AKAP13: variants seen among roughly 807,000 people sequenced by gnomAD.
AKAP13 encodes the protein A-kinase anchor protein 13.
In AKAP13, 80 loss-of-function variants were observed where a neutral mutation model predicts 264.5. That is an observed-to-expected ratio of 0.30 (90% confidence interval 0.25 to 0.36). AKAP13 has a LOEUF of 0.36. AKAP13 is among the 10% of genes least tolerant of loss of function. The pLI, the probability that AKAP13 is intolerant of heterozygous loss-of-function variation, is 1.00. For synonymous variants in AKAP13, 1,380 were observed against 1,250.2 expected (o/e 1.10, Z -2.19); for missense variants, 3,712 against 3,435.2 (o/e 1.08, Z -2.01).
chr15:85,743,033 C>T (rs2089163868), intron 35 of AKAP13, among the ~76,000 whole-genome samples: 1 of 152,118 alleles, frequency 6.6e-6, no homozygotes. Context: ...TCTGGTTTAA[C>T]CTGTGACTAG....
intron 14 of AKAP13, among the ~76,000 whole-genome samples, 181 bp from the exon 15 acceptor site, chr15:85,681,977 T>C (rs2084627492): frequency 6.6e-6 from 1 of 152,228 alleles, no homozygotes; most frequent in Admixed American, 6.5e-5. Flanking sequence ...CTTCTGGTTC[T>C]AATTTGAGGG....
chr15:85,703,162 AT>A (rs2086028562), intron 17 of AKAP13, among the ~76,000 whole-genome samples: 1 of 152,208 alleles, frequency 6.6e-6, no homozygotes, highest in South Asian at 2.1e-4. Context: ...TTTACTTCTG[AT>A]TTCATCAGAA....
chr15:85,740,537 A>G, intron 34 of AKAP13: 1 of 470,090 alleles, frequency 2.1e-6, no homozygotes, highest in East Asian at 3.3e-5. Flanking sequence ...CATCTGGGAG[A>G]TTACTTCACT....
At chr15:85,574,377 A>C (rs1472729587) in intron 5 of AKAP13, among the ~76,000 whole-genome samples, 1 of 152,128 alleles carries the variant, frequency 6.6e-6, no homozygotes, top group Non-Finnish European at 1.5e-5. Flanking sequence ...GCAAGGGTGG[A>C]ATTGGAGGTG....
chr15:85,434,112 G>A (rs1453659552), intron 1 of AKAP13, among the ~76,000 whole-genome samples: 4 of 151,580 alleles, frequency 2.6e-5, no homozygotes, highest in Non-Finnish European at 5.9e-5. Flanking sequence ...CAGTGGGTGC[G>A]CGCACCGTGC....
Position 85,718,810 on chromosome 15 carries a change from A to T in AKAP13, c.6002-266A>T. The T allele has an allele frequency of 2.5e-6, 1 of 407,256 alleles. No homozygotes were observed. The highest frequency in any genetic ancestry group is 4.0e-5 in the Admixed American group (1 of 25,140). 25.2% of individuals were successfully genotyped at this position (407,256 alleles called of 1,614,324 possible). A position where few individuals can be genotyped will look rare whatever the true frequency, so the allele number is the denominator to read the frequency against. On this transcript the variant is annotated intron_variant, in intron 22 of 36. Coordinates refer to ENST00000394518, the MANE Select transcript of AKAP13 (RefSeq NM_007200.5). The surrounding 1 kb of genome is among the most constrained non-coding windows in gnomAD (Gnocchi z 4.9). ...AGCTGCTCGAGAGGCTAAAGCAGAA[A>T]GATCGCTTGAGCCCAGGAGGTTGAG...
chr15:85,420,932 C>A (rs185570614), intron 1 of AKAP13, among the ~76,000 whole-genome samples: 8 of 151,920 alleles, frequency 5.3e-5, no homozygotes, highest in African/African-American at 1.9e-4. Context: ...AAAAAAAAAT[C>A]GGAATTCTGC....
chr15:85,458,383 TTTG>T (rs1014821828), intron 1 of AKAP13, among the ~76,000 whole-genome samples: 2 of 123,418 alleles, frequency 1.6e-5, no homozygotes, highest in Non-Finnish European at 3.1e-5. Context: ...TTTTGTATTT[TTTG>T]TTTTTTGTTT....
At chr15:85,647,544 A>G (rs982185151) in intron 10 of AKAP13, among the ~76,000 whole-genome samples, 18 of 150,330 alleles carry the variant, frequency 1.2e-4, no homozygotes, top group Non-Finnish European at 2.2e-4. Flanking sequence ...TTTTGAACTC[A>G]TTGTCTTCCC....
chr15:85,519,995 G>A (rs944799363), intron 2 of AKAP13, among the ~76,000 whole-genome samples: 4 of 152,094 alleles, frequency 2.6e-5, no homozygotes, highest in Non-Finnish European at 5.9e-5. Flanking sequence ...TCTCTAGATT[G>A]ATTTTTCTAT....
intron 10 of AKAP13, among the ~76,000 whole-genome samples, chr15:85,653,010 A>G (rs1008344729): frequency 6.6e-6 from 1 of 152,206 alleles, no homozygotes; most frequent in African/African-American, 2.4e-5. Context: ...TGAGGAGGAC[A>G]TTATTCAACC....
At chr15:85,653,678 AT>A (rs901718191) in intron 10 of AKAP13, among the ~76,000 whole-genome samples, 1 of 151,690 alleles carries the variant, frequency 6.6e-6, no homozygotes, top group Admixed American at 6.6e-5. Context: ...AAGAACCATA[AT>A]TTTTTTTTAC....
intron 1 of AKAP13, among the ~76,000 whole-genome samples, chr15:85,432,472 T>C (rs1161646223): frequency 1.3e-5 from 2 of 152,172 alleles, no homozygotes; most frequent in Non-Finnish European, 2.9e-5. Context: ...TCTTAGAGCA[T>C]CATTCAGTAG....
At chr15:85,561,272 G>A (rs994384650) in intron 5 of AKAP13, among the ~76,000 whole-genome samples, 2 of 152,012 alleles carry the variant, frequency 1.3e-5, no homozygotes, top group East Asian at 3.9e-4. Context: ...TGGCCAGGCT[G>A]GTCTCGAACT....
At chr15:85,570,730 C>T (rs1363405712) in intron 5 of AKAP13, among the ~76,000 whole-genome samples, 4 of 152,124 alleles carry the variant, frequency 2.6e-5, no homozygotes, top group Non-Finnish European at 5.9e-5. Context: ...CAAATGTCCC[C>T]TGGGGGCCAT....
chr15:85,686,145 CTGTGTGTG>C lies in AKAP13; in HGVS notation c.5289+1286_5289+1293del, dbSNP rs36166313. Among the ~76,000 whole-genome samples the C allele has an allele frequency of 2.3e-4, 34 of 149,542 alleles. No homozygotes were observed. The East Asian group carries it at 6.6e-3, about 29-fold the overall frequency. On this transcript the variant is annotated intron_variant, in intron 16 of 36. Transcript: ENST00000394518. ...GTTAAGGAACTCTTGCAAGGAATCA[CTGTGTGTG>C]TGTGTGTGTGTGTATGTGTGTGTGT...
intron 5 of AKAP13, among the ~76,000 whole-genome samples, chr15:85,560,077 T>G (rs1373134073): frequency 6.7e-6 from 1 of 150,254 alleles, no homozygotes; most frequent in Admixed American, 6.6e-5. Context: ...TCATGGTTTA[T>G]TACTCCTGTG....
intron 8 of AKAP13, among the ~76,000 whole-genome samples, chr15:85,620,550 C>G (rs548572269): frequency 1.3e-5 from 2 of 152,208 alleles, no homozygotes; most frequent in Admixed American, 1.3e-4. Flanking sequence ...TGGTCTCTTT[C>G]TCTGTCAGTC....
chr15:85,587,441 T>G (rs2079406506), intron 8 of AKAP13, among the ~76,000 whole-genome samples: 1 of 152,244 alleles, frequency 6.6e-6, no homozygotes, highest in South Asian at 2.1e-4. Context: ...CCACATTTTT[T>G]TGTGGATTTG....
Sources: allele counts gnomAD v4.1 joint callset (sites outside exome capture counted in the v4.1 genomes callset), GRCh38; gene constraint gnomAD v4.1.1; non-coding constraint Gnocchi (gnomAD v3.1); transcripts MANE v1.5; gene names NCBI Gene and HGNC (gene_info 2026-07-23, HGNC 2026-07-21).